LDLRAD3: variants seen among roughly 807,000 people sequenced by gnomAD.
LDLRAD3 encodes the protein low-density lipoprotein receptor class A domain-containing protein 3.
Under a neutral mutation model 29.4 loss-of-function variants are expected in LDLRAD3, and 20 were observed. The ratio of observed to expected loss-of-function variants is 0.68; its 90% CI spans 0.48 to 0.99. LDLRAD3 has a LOEUF of 0.99. Among genes scored for constraint, LDLRAD3 ranks in the 50% least tolerant of loss-of-function variants. The pLI is 0.00. For missense variants in LDLRAD3, 420 were observed against 454.3 expected (o/e 0.92, Z 0.69); for synonymous variants, 157 against 192.7 (o/e 0.81, Z 1.53).
chr11:36,106,545 G>A (rs1203244147), intron 4 of LDLRAD3, among the ~76,000 whole-genome samples: 1 of 152,234 alleles, frequency 6.6e-6, no homozygotes, highest in Non-Finnish European at 1.5e-5. Flanking sequence ...AACCTCAGAG[G>A]TGGGGAACCC....
chr11:36,095,762 T>C (rs1201597202), intron 3 of LDLRAD3, among the ~76,000 whole-genome samples: 2 of 152,176 alleles, frequency 1.3e-5, no homozygotes, highest in Admixed American at 6.5e-5. Context: ...ATCAGGACGT[T>C]TACATAAGCT....
intron 4 of LDLRAD3, among the ~76,000 whole-genome samples, chr11:36,104,072 A>C (rs1438356384): frequency 2.6e-5 from 4 of 152,206 alleles, no homozygotes; most frequent in Non-Finnish European, 4.4e-5. Flanking sequence ...CCGAGGTTAG[A>C]TGATGGAGCC....
intron 1 of LDLRAD3, among the ~76,000 whole-genome samples, chr11:35,982,888 C>G (rs1210886037): frequency 8.3e-6 from 1 of 121,138 alleles, no homozygotes; most frequent in East Asian, 2.6e-4. Flanking sequence ...GAGTCTTGCT[C>G]TGTCGTCCAA....
At chr11:35,996,951 A>G (rs1439950496) in intron 1 of LDLRAD3, among the ~76,000 whole-genome samples, 1 of 152,138 alleles carries the variant, frequency 6.6e-6, no homozygotes, top group Non-Finnish European at 1.5e-5. Context: ...TGGGTTAACC[A>G]TGTACCTTTG....
chr11:35,986,312 A>G (rs964086514), intron 1 of LDLRAD3, among the ~76,000 whole-genome samples: 19 of 152,218 alleles, frequency 1.2e-4, no homozygotes, highest in African/African-American at 4.6e-4. Context: ...TCTCTTTGAT[A>G]TAGAAGAAAA....
chr11:36,182,198 T>C (rs1854775165), intron 4 of LDLRAD3, among the ~76,000 whole-genome samples: 1 of 152,002 alleles, frequency 6.6e-6, no homozygotes, highest in African/African-American at 2.4e-5. Flanking sequence ...AAATAGGAGG[T>C]GACTCCGCAT....
chr11:36,066,597 T>C (rs1250595640), intron 2 of LDLRAD3, among the ~76,000 whole-genome samples: 1 of 152,234 alleles, frequency 6.6e-6, no homozygotes, highest in Non-Finnish European at 1.5e-5. Context: ...AAAACCCCTT[T>C]ACATTATAAT....
At chr11:35,949,757 G>T (rs1851107902) in intron 1 of LDLRAD3, among the ~76,000 whole-genome samples, 1 of 152,108 alleles carries the variant, frequency 6.6e-6, no homozygotes, top group African/African-American at 2.4e-5. Context: ...CCTCTCTTCA[G>T]ACTAGCCACA....
chr11:36,139,762 C>T (rs149465926), intron 4 of LDLRAD3, among the ~76,000 whole-genome samples: 331 of 152,228 alleles, frequency 2.2e-3, no homozygotes, highest in African/African-American at 7.6e-3. Flanking sequence ...AAATTATCTC[C>T]AGGAGACGAG....
At chr11:36,159,920 G>T (rs1037386411) in intron 4 of LDLRAD3, among the ~76,000 whole-genome samples, 2 of 152,160 alleles carry the variant, frequency 1.3e-5, no homozygotes, top group Non-Finnish European at 2.9e-5. Context: ...GCCCAGTAGT[G>T]AGTCCTCCGG....
At chr11:36,158,522 G>A (rs1423586466) in intron 4 of LDLRAD3, among the ~76,000 whole-genome samples, 1 of 117,124 alleles carries the variant, frequency 8.5e-6, no homozygotes, top group Non-Finnish European at 1.9e-5. Flanking sequence ...ACCATGTTCT[G>A]GGCTTTTTTT....
intron 4 of LDLRAD3, among the ~76,000 whole-genome samples, chr11:36,222,276 G>T (rs1025470534): frequency 4.6e-5 from 7 of 152,066 alleles, no homozygotes; most frequent in African/African-American, 1.2e-4. Context: ...CAGAGACAGG[G>T]TCTCCCTATG....
intron 1 of LDLRAD3, among the ~76,000 whole-genome samples, chr11:36,027,398 C>T (rs904910970): frequency 9.2e-5 from 14 of 152,170 alleles, no homozygotes; most frequent in African/African-American, 3.4e-4. Flanking sequence ...GTGGGTTATA[C>T]ATGTGGCAGA....
chr11:36,069,593 GAATTGTA>G (rs1249720045), intron 2 of LDLRAD3, among the ~76,000 whole-genome samples: 1 of 151,022 alleles, frequency 6.6e-6, no homozygotes, highest in East Asian at 1.9e-4. Context: ...ACAGTGAGCT[GAATTGTA>G]ACTGGTTCAT....
chr11:36,144,492 C>T (rs1310244395), intron 4 of LDLRAD3, among the ~76,000 whole-genome samples: 1 of 151,530 alleles, frequency 6.6e-6, no homozygotes, highest in African/African-American at 2.4e-5. Flanking sequence ...AGGAGCGTCT[C>T]TGCCTGGCCG....
intron 4 of LDLRAD3, among the ~76,000 whole-genome samples, chr11:36,146,399 C>T (rs1854194794): frequency 1.3e-5 from 2 of 152,182 alleles, no homozygotes; most frequent in African/African-American, 4.8e-5. Context: ...CATTGTCCAT[C>T]CTTTTCATAC....
chr11:36,196,370 A>T (rs1030392638), intron 4 of LDLRAD3: 1 of 152,240 alleles, frequency 6.6e-6, no homozygotes, highest in Admixed American at 6.5e-5. Flanking sequence ...TTGTAGGACA[A>T]GTTGTCAGTG....
At chr11:35,947,118 A>G (rs1469477426) in intron 1 of LDLRAD3, among the ~76,000 whole-genome samples, 1 of 152,230 alleles carries the variant, frequency 6.6e-6, no homozygotes, top group Non-Finnish European at 1.5e-5. Flanking sequence ...GCCAGTCTGC[A>G]GGATAAGTTG....
chr11:35,952,669 T>C (rs1851152323), intron 1 of LDLRAD3, among the ~76,000 whole-genome samples: 1 of 152,188 alleles, frequency 6.6e-6, no homozygotes, highest in Admixed American at 6.5e-5. Flanking sequence ...AGCAATTTCT[T>C]TTCAGCACTT....
Sources: gnomAD v4.1 joint callset for allele counts (sites outside exome capture counted in the v4.1 genomes callset) on GRCh38, gnomAD v4.1.1 for gene constraint, MANE v1.5 for transcripts, NCBI Gene and HGNC (gene_info 2026-07-23, HGNC 2026-07-21) for gene names.